FMN1: variants seen among roughly 807,000 people sequenced by gnomAD.
The protein encoded by FMN1 is formin 1.
FMN1 carries 110 observed loss-of-function variants against 132.4 expected under a neutral mutation model. The observed-to-expected ratio is 0.83, with a 90% CI of 0.71 to 0.97. The LOEUF (loss-of-function observed/expected upper bound fraction) is 0.97. Among genes scored for constraint, FMN1 ranks in the 50% least tolerant of loss-of-function variants. The pLI, the probability that FMN1 is intolerant of heterozygous loss-of-function variation, is 0.00. For synonymous variants in FMN1, 722 were observed against 651.7 expected, an observed-to-expected ratio of 1.11 and a Z score of -1.64; for missense variants, 1,792 against 1,705.3, an observed-to-expected ratio of 1.05 and a Z score of -0.90.
intron 5 of FMN1, among the ~76,000 whole-genome samples, chr15:33,080,578 C>G (rs1235373799): frequency 6.6e-6 from 1 of 152,152 alleles, no homozygotes; most frequent in Non-Finnish European, 1.5e-5. Flanking sequence ...TGTAGTGAAA[C>G]TCCATCTCTA....
chr15:32,827,977 A>T (rs2058410642), intron 17 of FMN1, among the ~76,000 whole-genome samples: 1 of 151,954 alleles, frequency 6.6e-6, no homozygotes, highest in Non-Finnish European at 1.5e-5. Context: ...CACACAACTG[A>T]ATAATGTATA....
chr15:32,900,249 G>A (rs778956515), intron 13 of FMN1, 124 bp from the exon 14 acceptor site: 31 of 1,019,110 alleles, frequency 3.0e-5, no homozygotes, highest in Middle Eastern at 2.0e-4. Context: ...AGAATTAACA[G>A]TTGCTGAAAT....
At chr15:33,128,105 A>G (rs1046204491) in intron 4 of FMN1, among the ~76,000 whole-genome samples, 15 of 152,164 alleles carry the variant, frequency 9.9e-5, no homozygotes, top group South Asian at 2.1e-4. Context: ...AGGCCAGAAG[A>G]AGGGAGAGGA....
chr15:33,053,489 G>C (rs1021596780), intron 6 of FMN1, among the ~76,000 whole-genome samples: 2 of 152,158 alleles, frequency 1.3e-5, no homozygotes, highest in African/African-American at 4.8e-5. Context: ...TGCCCCTGCT[G>C]CAAGTTCGGG....
At chr15:32,906,491 C>T (rs2060428140) in intron 12 of FMN1, among the ~76,000 whole-genome samples, 1 of 152,156 alleles carries the variant, frequency 6.6e-6, no homozygotes, top group African/African-American at 2.4e-5. Flanking sequence ...TTGTAACATC[C>T]CGTAAGCCAC....
At chr15:32,910,666 C>T in intron 10 of FMN1, 131 bp from the exon 11 acceptor site, 2 of 692,898 alleles carry the variant, frequency 2.9e-6, no homozygotes, top group Non-Finnish European at 5.1e-6. Flanking sequence ...TGCCTCTCTG[C>T]TCCCCTTCCT....
chr15:33,101,494 A>G (rs1287707117), intron 4 of FMN1, among the ~76,000 whole-genome samples: 2 of 152,182 alleles, frequency 1.3e-5, no homozygotes. Context: ...TGTTTTAAGC[A>G]AAGTTTATGA....
intron 7 of FMN1, among the ~76,000 whole-genome samples, chr15:32,998,479 T>A (rs534226458): frequency 6.6e-6 from 1 of 152,320 alleles, no homozygotes; most frequent in African/African-American, 2.4e-5. Flanking sequence ...GCTACTCCAA[T>A]GCTTTTACTT....
intron 7 of FMN1, among the ~76,000 whole-genome samples, chr15:32,993,770 CAG>C (rs1182820270): frequency 5.3e-5 from 8 of 152,080 alleles, no homozygotes; most frequent in African/African-American, 1.9e-4. Flanking sequence ...TGCTTGTTGT[CAG>C]AGAGCGTAAA....
At chr15:32,929,223 TTC>T (rs1402254131) in intron 9 of FMN1, among the ~76,000 whole-genome samples, 2 of 152,228 alleles carry the variant, frequency 1.3e-5, no homozygotes, top group Non-Finnish European at 2.9e-5. Flanking sequence ...CTGAACCAAA[TTC>T]TCTGTCTACT....
rs556544490 is a variant in FMN1, at chr15:33,007,994, G to A, written c.2223+20C>T. On this transcript the variant is annotated intron_variant, in intron 7 of 20. Transcript: ENST00000616417. ...GTATCAGTTCTATAGAACCCGTTCA[G>A]TAGCATCAAAGAGGCATACCTGCAG... The A allele has an allele frequency of 1.9e-6, 3 of 1,585,290 alleles. No individual in the cohort carries two copies. Among genetic ancestry groups the A allele is most frequent in the East Asian group, 2.3e-5 (1 of 44,362 alleles).
intron 18 of FMN1, among the ~76,000 whole-genome samples, chr15:32,803,408 A>C (rs1339864464): frequency 6.6e-6 from 1 of 152,216 alleles, no homozygotes; most frequent in African/African-American, 2.4e-5. Context: ...AAAAGCCCTA[A>C]GGGATGAGAA....
At chr15:33,082,093 A>ATGTGTGTGTGTGTGTGTGTGTGTG (rs61138142) in intron 5 of FMN1, among the ~76,000 whole-genome samples, 1 of 120,334 alleles carries the variant, frequency 8.3e-6, no homozygotes, top group African/African-American at 3.5e-5. Flanking sequence ...CTGGAAAACA[A>ATGTGTGTGTGTGTGTGTGTGTGTG]TGTGTGTGTG....
intron 16 of FMN1, among the ~76,000 whole-genome samples, chr15:32,869,701 G>A (rs1254911772): frequency 1.3e-5 from 2 of 152,138 alleles, no homozygotes; most frequent in African/African-American, 2.4e-5. Context: ...TGGAGGAGAG[G>A]CCAGCAATGA....
intron 7 of FMN1, among the ~76,000 whole-genome samples, chr15:32,996,146 A>G (rs183938817): frequency 6.6e-6 from 1 of 152,222 alleles, no homozygotes; most frequent in South Asian, 2.1e-4. Flanking sequence ...CACCTAAGCT[A>G]TCCCAACAGT....
chr15:32,777,809 T>C (rs952053914), intron 19 of FMN1, among the ~76,000 whole-genome samples: 1 of 113,416 alleles, frequency 8.8e-6, no homozygotes, highest in Non-Finnish European at 1.8e-5. Flanking sequence ...TATAATATAA[T>C]ACATTTATTT....
At chr15:32,942,435 C>T (rs1030540169) in intron 9 of FMN1, among the ~76,000 whole-genome samples, 2 of 152,188 alleles carry the variant, frequency 1.3e-5, no homozygotes, top group African/African-American at 4.8e-5. Flanking sequence ...CACTGTATAT[C>T]TTCGGCTTTC....
At chr15:32,936,134 G>T (rs904391295) in intron 9 of FMN1, among the ~76,000 whole-genome samples, 1 of 152,076 alleles carries the variant, frequency 6.6e-6, no homozygotes, top group Admixed American at 6.6e-5. Flanking sequence ...TTTTGTTCAT[G>T]TATCTTTTTC....
At chr15:32,943,134 T>C (rs1242641479) in intron 9 of FMN1, among the ~76,000 whole-genome samples, 1 of 152,142 alleles carries the variant, frequency 6.6e-6, no homozygotes, top group Non-Finnish European at 1.5e-5. Flanking sequence ...CTGGAAAATT[T>C]GAAATCTGAA....
Sources: allele counts gnomAD v4.1 joint callset (sites outside exome capture counted in the v4.1 genomes callset), GRCh38; gene constraint gnomAD v4.1.1; transcripts MANE v1.5; gene names NCBI Gene and HGNC (gene_info 2026-07-23, HGNC 2026-07-21).